The following IL1RAPL1 variants were observed in gnomAD, a reference collection of about 807,000 sequenced individuals.
IL1RAPL1 encodes interleukin 1 receptor accessory protein like 1.
In IL1RAPL1, 3 loss-of-function variants were observed where a neutral mutation model predicts 48.4. That is an observed-to-expected ratio of 0.06 (90% CI 0.03 to 0.16). The LOEUF is 0.16. Ranked by LOEUF, IL1RAPL1 falls within the 10% of genes least tolerant of loss-of-function variation. The pLI, the probability that IL1RAPL1 is intolerant of heterozygous loss-of-function variation, is 1.00. For synonymous variants in IL1RAPL1, 185 were observed against 187.7 expected (o/e 0.99, Z 0.12); for missense variants, 349 against 530.6 (o/e 0.66, Z 3.36).
At chrX:29,058,785 C>T (rs908347821) in intron 2 of IL1RAPL1, among the ~76,000 whole-genome samples, 1 of 111,878 alleles carries the variant, frequency 8.9e-6, no homozygotes, top group Non-Finnish European at 1.9e-5. Context: ...CCATATGTCT[C>T]CTACAGCTGT....
intron 1 of IL1RAPL1, among the ~76,000 whole-genome samples, chrX:28,599,356 C>T (rs12007775): frequency 0.46 from 50,353 of 109,228 alleles, 8,434 homozygotes; most frequent in East Asian, 0.61. Context: ...TTCCTCCTGG[C>T]GTCATAAGTT....
At position 29,855,110 on chromosome X, in the gene IL1RAPL1, T is replaced by C. The variant is rs189786915; in HGVS notation, c.779-62354T>C. Among the ~76,000 whole-genome samples, 4 of 111,817 alleles carry C rather than the reference T, an allele frequency of 3.6e-5. No homozygotes were observed. The East Asian group carries it at 1.1e-3, about 31-fold the overall frequency. On this transcript the variant is annotated intron_variant, in intron 6 of 10. Coordinates refer to ENST00000378993, the MANE Select transcript of IL1RAPL1 (RefSeq NM_014271.4). ...GAAAGAGAGGAATTTGGGGGATTAG[T>C]ATCCAAGCCATTGAATCATTAAGAC...
intron 5 of IL1RAPL1, among the ~76,000 whole-genome samples, chrX:29,528,621 A>G (rs1462634235): frequency 1.8e-5 from 2 of 112,294 alleles, no homozygotes; most frequent in African/African-American, 6.5e-5. Context: ...GACCTCCTCC[A>G]TAAACTCTCT....
chrX:29,324,567 G>A (rs1335188916), intron 3 of IL1RAPL1, among the ~76,000 whole-genome samples: 1 of 111,732 alleles, frequency 8.9e-6, no homozygotes, highest in Non-Finnish European at 1.9e-5. Flanking sequence ...ATAGTCAACA[G>A]GTAAGTTAGA....
intron 6 of IL1RAPL1, among the ~76,000 whole-genome samples, chrX:29,806,526 T>C (rs1930259843): frequency 9.0e-6 from 1 of 110,800 alleles, no homozygotes; most frequent in Non-Finnish European, 1.9e-5. Flanking sequence ...TTTAAAGTAA[T>C]ATAGGAGGAC....
At chrX:29,015,423 T>C (rs1926218391) in intron 2 of IL1RAPL1, among the ~76,000 whole-genome samples, 2 of 111,546 alleles carry the variant, frequency 1.8e-5, no homozygotes, top group East Asian at 2.8e-4. Flanking sequence ...TAGAATTCTG[T>C]TTAAAATTTG....
At chrX:29,319,845 G>A (rs1272505700) in intron 3 of IL1RAPL1, among the ~76,000 whole-genome samples, 2 of 111,132 alleles carry the variant, frequency 1.8e-5, no homozygotes, top group Non-Finnish European at 3.8e-5. Context: ...TGGTTCTCAT[G>A]AAGTTTATGA....
intron 3 of IL1RAPL1, among the ~76,000 whole-genome samples, chrX:29,333,226 C>A (rs374829000): frequency 4.8e-5 from 5 of 104,723 alleles, no homozygotes; most frequent in South Asian, 4.5e-4. Flanking sequence ...TAGGGGCGGC[C>A]GGGCAGAAGC....
At chrX:29,283,382 A>T (rs1221123797) in intron 3 of IL1RAPL1, among the ~76,000 whole-genome samples, 165 bp downstream of exon 3, 3 of 112,478 alleles carry the variant, frequency 2.7e-5, no homozygotes, top group Non-Finnish European at 3.8e-5. Context: ...TGGGATTGGA[A>T]TTTATATTAG....
chrX:29,212,186 T>A (rs1412547793), intron 2 of IL1RAPL1, among the ~76,000 whole-genome samples: 1 of 111,489 alleles, frequency 9.0e-6, no homozygotes, highest in Non-Finnish European at 1.9e-5. Context: ...TCATTTCACA[T>A]CCCATCCCTA....
chrX:29,105,979 A>G (rs1339892601), intron 2 of IL1RAPL1, among the ~76,000 whole-genome samples: 1 of 112,169 alleles, frequency 8.9e-6, no homozygotes, highest in Non-Finnish European at 1.9e-5. Flanking sequence ...AATATGTTTC[A>G]TTAATCCTCA....
At chrX:29,101,888 G>A (rs1424733535) in intron 2 of IL1RAPL1, among the ~76,000 whole-genome samples, 2 of 111,504 alleles carry the variant, frequency 1.8e-5, no homozygotes, top group Non-Finnish European at 3.8e-5. Flanking sequence ...AGTGAGCTGA[G>A]ATCGTGCCAT....
intron 3 of IL1RAPL1, among the ~76,000 whole-genome samples, chrX:29,337,885 G>A (rs984737762): frequency 1.8e-5 from 2 of 110,897 alleles, no homozygotes; most frequent in Non-Finnish European, 1.9e-5. Context: ...ATGTTGGCCA[G>A]GCTGGTCTCG....
rs61474270 is a variant in IL1RAPL1 at position 29,812,250 on chromosome X, A to G, written c.779-105214A>G. 5.3e-3 allele frequency among the ~76,000 whole-genome samples: 591 copies of G among 112,413 alleles called. 3 individuals are homozygous for G. The highest frequency in any genetic ancestry group is 0.018 in the African/African-American group (549 of 31,037). ...AAGAGAATGAAATAAGGTAAGCCAA[A>G]TGATTAATGACTGTTACTTTGGAAA... On this transcript the variant is annotated intron_variant, in intron 6 of 10. Coordinates refer to ENST00000378993, the MANE Select transcript of IL1RAPL1 (RefSeq NM_014271.4).
At chrX:29,551,803 C>T (rs1921825487) in intron 5 of IL1RAPL1, among the ~76,000 whole-genome samples, 1 of 98,163 alleles carries the variant, frequency 1.0e-5, no homozygotes, top group African/African-American at 3.7e-5. Flanking sequence ...CCCAGCATCT[C>T]TCAACCTTCT....
intron 1 of IL1RAPL1, among the ~76,000 whole-genome samples, chrX:28,630,412 A>G (rs993770197): frequency 8.1e-5 from 9 of 111,702 alleles, no homozygotes; most frequent in Non-Finnish European, 1.7e-4. Flanking sequence ...ATAATTGTCT[A>G]TCCTTAGAGC....
intron 3 of IL1RAPL1, among the ~76,000 whole-genome samples, chrX:29,391,706 C>T (rs1035711145): frequency 7.2e-5 from 8 of 111,492 alleles, no homozygotes; most frequent in African/African-American, 2.6e-4. Flanking sequence ...GGGTAGGTAA[C>T]TTTCTTTTGT....
In IL1RAPL1 at chrX:29,510,845, T is replaced by C. The variant is rs190628793; in HGVS notation, c.703+111537T>C. Among the ~76,000 whole-genome samples the C allele has an allele frequency of 5.7e-4, 64 of 111,818 alleles. 1 individual carries two copies. Among genetic ancestry groups the C allele is most frequent in the African/African-American group, 2.0e-3 (63 of 30,830 alleles). Reference sequence around the variant, plus strand: ...TCACATTGTGGGCCTAACAGTACACTCCTGACTTCTTGCCATATATGTGAA... The same window carrying C: ...TCACATTGTGGGCCTAACAGTACACCCCTGACTTCTTGCCATATATGTGAA... On this transcript the variant is annotated intron_variant, in intron 5 of 10. Coordinates refer to ENST00000378993, the MANE Select transcript of IL1RAPL1 (RefSeq NM_014271.4).
chrX:28,810,122 G>A (rs1415760862), intron 2 of IL1RAPL1, among the ~76,000 whole-genome samples: 1 of 110,281 alleles, frequency 9.1e-6, no homozygotes, highest in Non-Finnish European at 1.9e-5. Context: ...TTCCTATTCA[G>A]TCTTCGAGTG....
Sources: gnomAD v4.1 joint callset for allele counts (sites outside exome capture counted in the v4.1 genomes callset) on GRCh38, gnomAD v4.1.1 for gene constraint, MANE v1.5 for transcripts, NCBI Gene and HGNC (gene_info 2026-07-23, HGNC 2026-07-21) for gene names.